ADK: variants seen among roughly 807,000 people sequenced by gnomAD.
The protein encoded by ADK is N6,N6-dimethyladenosine kinase.
In ADK, 24 loss-of-function variants were observed where a neutral mutation model predicts 44.7. That is an observed-to-expected ratio of 0.54 (90% CI 0.39 to 0.76). The LOEUF (loss-of-function observed/expected upper bound fraction) is 0.76. Ranked by LOEUF, ADK falls within the 30% of genes least tolerant of loss-of-function variation. The pLI is 0.00. For synonymous variants in ADK, 128 were observed against 142.6 expected (o/e 0.90, Z 0.73); for missense variants, 321 against 425.1 (o/e 0.76, Z 2.15).
intron 6 of ADK, among the ~76,000 whole-genome samples, chr10:74,421,084 T>C (rs2133026236): frequency 6.6e-6 from 1 of 152,266 alleles, no homozygotes. Context: ...ATGCAAGCTG[T>C]AACAAATGAA....
At chr10:74,350,688 AAG>A (rs1841934619) in intron 4 of ADK, among the ~76,000 whole-genome samples, 1 of 152,194 alleles carries the variant, frequency 6.6e-6, no homozygotes, top group African/African-American at 2.4e-5. Context: ...TAAAGAAGAA[AAG>A]AGAGAAGAAT....
Position 74,375,894 on chromosome 10 carries a change from G to T in ADK, c.274-18247G>T, listed in dbSNP as rs192911029. 3.0e-3 allele frequency among the ~76,000 whole-genome samples: 463 copies of T among 151,990 alleles called. 6 individuals carry two copies. The highest frequency in any genetic ancestry group is 0.018 in the East Asian group (93 of 5,174). On this transcript the variant is annotated intron_variant, in intron 4 of 10. Transcript: ENST00000539909. ...TTTGTTTTGGTTTGTTTTTTCATTT[G>T]TGTGGGGTTTTTGTTGTTGCTGCTG...
chr10:74,629,291 A>C (rs1853328607), intron 9 of ADK, among the ~76,000 whole-genome samples: 1 of 152,014 alleles, frequency 6.6e-6, no homozygotes, highest in Non-Finnish European at 1.5e-5. Flanking sequence ...TGGCCTCCTG[A>C]GTCACTGGGA....
intron 2 of ADK, among the ~76,000 whole-genome samples, chr10:74,220,807 C>T (rs1036661919): frequency 6.6e-6 from 1 of 152,110 alleles, no homozygotes; most frequent in Non-Finnish European, 1.5e-5. Flanking sequence ...AGGCCTTTAA[C>T]AAAATTTAAC....
intron 3 of ADK, among the ~76,000 whole-genome samples, chr10:74,306,142 T>A (rs561169160): frequency 5.9e-5 from 9 of 152,244 alleles, no homozygotes; most frequent in South Asian, 2.1e-4. Context: ...TTTCATTTTT[T>A]AAAAAAATCC....
At chr10:74,224,690 A>G in intron 3 of ADK, 99 bp downstream of exon 3, 3 of 945,524 alleles carry the variant, frequency 3.2e-6, no homozygotes, top group Non-Finnish European at 5.0e-6. Context: ...ATATAATGAC[A>G]AAGTATAATT....
chr10:74,662,776 A>G (rs188569360), intron 9 of ADK, among the ~76,000 whole-genome samples: 5 of 152,088 alleles, frequency 3.3e-5, no homozygotes, highest in African/African-American at 7.2e-5. Flanking sequence ...TGAATGTTCT[A>G]CCCCTGGAAC....
At chr10:74,262,041 G>A (rs1233716276) in intron 3 of ADK, among the ~76,000 whole-genome samples, 11 of 152,134 alleles carry the variant, frequency 7.2e-5, no homozygotes, top group Middle Eastern at 3.4e-3. Flanking sequence ...CTCATGGGCC[G>A]GGTGTGGTGG....
chr10:74,388,428 T>C (rs1843218875), intron 4 of ADK, among the ~76,000 whole-genome samples: 1 of 152,228 alleles, frequency 6.6e-6, no homozygotes, highest in South Asian at 2.1e-4. Flanking sequence ...TGGGATTGCA[T>C]TGAACTTATG....
intron 2 of ADK, among the ~76,000 whole-genome samples, chr10:74,208,902 A>G (rs1843704640): frequency 6.6e-6 from 1 of 151,794 alleles, no homozygotes. Flanking sequence ...ATGCCCGGCT[A>G]ATTTTTGCAG....
intron 4 of ADK, among the ~76,000 whole-genome samples, chr10:74,374,673 C>T (rs1273901042): frequency 6.6e-6 from 1 of 152,044 alleles, no homozygotes; most frequent in Admixed American, 6.6e-5. Flanking sequence ...CATGGTTAGT[C>T]CTTCATAAAA....
intron 9 of ADK, among the ~76,000 whole-genome samples, chr10:74,611,624 A>G (rs1349669332): frequency 2.0e-5 from 3 of 151,998 alleles, no homozygotes; most frequent in South Asian, 2.1e-4. Context: ...ATAATACCCA[A>G]TAGGTAGTTT....
At chr10:74,388,437 T>C (rs573324032) in intron 4 of ADK, among the ~76,000 whole-genome samples, 1 of 152,364 alleles carries the variant, frequency 6.6e-6, no homozygotes, top group South Asian at 2.1e-4. Flanking sequence ...ATTGAACTTA[T>C]GAATCAATTT....
At position 74,300,052 on chromosome 10, in the gene ADK, C is replaced by CT. The variant is rs772490556; in HGVS notation, c.195-14601dup. Among the ~76,000 whole-genome samples, 1,058 of 140,246 alleles carry CT rather than the reference C, an allele frequency of 7.5e-3. 5 individuals carry two copies. The highest frequency in any genetic ancestry group is 0.011 in the Middle Eastern group (3 of 276). 92.0% of individuals were successfully genotyped at this position (140,246 alleles called of 152,430 possible). On this transcript the variant is annotated intron_variant, in intron 3 of 10. Transcript: ENST00000539909. ...TCTTTTCTTTCTTCTTCTTCGTCTTCTTTTTTTTTTTTTTAGAAACAGGAT... is the reference window on the plus strand; with the variant it reads ...TCTTTTCTTTCTTCTTCTTCGTCTTCTTTTTTTTTTTTTTTAGAAACAGGAT...
intron 2 of ADK, among the ~76,000 whole-genome samples, chr10:74,217,035 C>T (rs908960405): frequency 3.9e-5 from 6 of 152,326 alleles, no homozygotes; most frequent in Admixed American, 2.0e-4. Flanking sequence ...GTGCGTGCAG[C>T]GCACCGTGCA....
At position 74,699,660 on chromosome 10, in the gene ADK, GGA is replaced by G. The variant is rs537147076; in HGVS notation, c.965-8658_965-8657del. Among the ~76,000 whole-genome samples, 759 of 152,196 alleles carry G rather than the reference GGA, an allele frequency of 5.0e-3. 9 individuals carry two copies. Among genetic ancestry groups the G allele is most frequent in the African/African-American group, 0.017 (721 of 41,498 alleles). ...CCAGTACTCCAGCCTGGATGACAGA[GGA>G]GACTCTCAAAAACGATAATAATAAT... On this transcript the variant is annotated intron_variant, in intron 10 of 10. Coordinates refer to ENST00000539909, the MANE Select transcript of ADK (RefSeq NM_006721.4).
chr10:74,533,025 G>C (rs944256097), intron 7 of ADK, among the ~76,000 whole-genome samples: 2 of 148,394 alleles, frequency 1.3e-5, no homozygotes, highest in East Asian at 2.0e-4. Flanking sequence ...ATATTAGCAA[G>C]AAACAACCAG....
At chr10:74,441,860 T>C (rs994874260) in intron 6 of ADK, among the ~76,000 whole-genome samples, 1 of 152,104 alleles carries the variant, frequency 6.6e-6, no homozygotes, top group Non-Finnish European at 1.5e-5. Context: ...TACAACTCAA[T>C]AGCAGAAAAC....
At chr10:74,458,515 C>G (rs1218760223) in intron 6 of ADK, among the ~76,000 whole-genome samples, 1 of 151,978 alleles carries the variant, frequency 6.6e-6, no homozygotes, top group African/African-American at 2.4e-5. Context: ...CAGATATCAC[C>G]TAGTTGTAAG....
Sources: allele counts gnomAD v4.1 joint callset (sites outside exome capture counted in the v4.1 genomes callset), GRCh38; gene constraint gnomAD v4.1.1; transcripts MANE v1.5; gene names NCBI Gene and HGNC (gene_info 2026-07-23, HGNC 2026-07-21).